Variants in FAN1 observed in about 807,000 individuals in gnomAD.
FAN1 encodes the protein FANCD2 and FANCI associated nuclease 1, also known as fanconi-associated nuclease 1.
A neutral mutation model predicts 104.9 loss-of-function variants in FAN1; 91 were observed. The ratio of observed to expected loss-of-function variants is 0.87; its 90% CI spans 0.73 to 1.03. The LOEUF is 1.03. Ranked by LOEUF, FAN1 falls within the 50% of genes least tolerant of loss-of-function variation. The pLI, the probability that FAN1 is intolerant of heterozygous loss-of-function variation, is 0.00. For missense variants in FAN1, 1,263 were observed against 1,239.9 expected, an observed-to-expected ratio of 1.02 and a Z score of -0.28; for synonymous variants, 478 against 457.6, an observed-to-expected ratio of 1.04 and a Z score of -0.57.
At chr15:30,928,855 T>C (rs1416699617) in intron 11 of FAN1, 199 bp downstream of exon 11, 1 of 903,486 alleles carries the variant, frequency 1.1e-6, no homozygotes, top group African/African-American at 1.8e-5. Flanking sequence ...GTTTTAAACT[T>C]TAATTTAGCC....
Position 30,905,905 on chromosome 15 carries a change from AC to A in FAN1, c.1234+9del. On this transcript the variant is annotated intron_variant, in intron 2 of 14. Transcript: ENST00000362065. The stretch of plus-strand genomic sequence containing the variant: ...AATTTTATCAGTTATCAGGTATCTT[AC>A]GCACGTGTTTGTTTTCAAGTTTTCA... 6.2e-7 allele frequency: 1 copy of A among 1,604,692 alleles called. No homozygotes were observed. Among genetic ancestry groups the A allele is most frequent in the Non-Finnish European group, 8.5e-7 (1 of 1,174,496 alleles).
At position 30,905,494 on chromosome 15, in the gene FAN1, T is replaced by C; in HGVS notation, c.831T>C (p.Ser277=). The stretch of plus-strand genomic sequence containing the variant: ...TCACTCTTAGGAATACATTAAAGTC[T>C]ACTTCAGAAGACAGTCTTGTAAAGC... ...PDFTLRNTLK[S]TSEDSLVKQE... Residue 277 remains serine, a synonymous_variant, in exon 2 of 15, where the codon TCT becomes TCC. Coordinates refer to ENST00000362065, the MANE Select transcript of FAN1 (RefSeq NM_014967.5). The C allele has an allele frequency of 6.2e-7, 1 of 1,614,092 alleles. No homozygotes were observed. Among genetic ancestry groups the C allele is most frequent in the South Asian group, 1.1e-5 (1 of 91,076 alleles).
intron 12 of FAN1, among the ~76,000 whole-genome samples, chr15:30,929,639 A>C (rs2062572676): frequency 8.1e-6 from 1 of 123,312 alleles, no homozygotes; most frequent in African/African-American, 3.4e-5. Context: ...ATTATACAAT[A>C]TACAATATAT....
rs745322534 is a variant in FAN1, at chr15:30,930,601, C to G, written c.2846C>G (p.Ala949Gly). 1 of 1,612,904 alleles carries G rather than the reference C, an allele frequency of 6.2e-7. No homozygotes were observed. The highest frequency in any genetic ancestry group is 8.5e-7 in the Non-Finnish European group (1 of 1,179,558). ...VLSGVCRHLA[A>G]DFRHCRGGLP... is the part of the protein sequence containing the mutation. ...AGTGGTGTGTGCAGGCACCTGGCTG[C>G]TGACTTTCGACACTGTCGAGGGGGC... Residue 949 changes from alanine (A) to glycine (G), a missense_variant, in exon 13 of 15, where the codon GCT (alanine) becomes GGT (glycine). Transcript: ENST00000362065.
intron 13 of FAN1, among the ~76,000 whole-genome samples, chr15:30,935,990 GA>G (rs1451455513): frequency 2.0e-5 from 3 of 152,098 alleles, no homozygotes; most frequent in Admixed American, 1.3e-4. Flanking sequence ...ATCAAATTTG[GA>G]AAATTTTTGG....
chr15:30,906,706 T>C (rs902017361), intron 2 of FAN1, among the ~76,000 whole-genome samples: 5 of 152,254 alleles, frequency 3.3e-5, no homozygotes, highest in Non-Finnish European at 7.3e-5. Context: ...GAAGGATTTC[T>C]ATTTTAAATT....
At position 30,931,958 on chromosome 15, in the gene FAN1, C is replaced by T. The variant is rs551313293; in HGVS notation, c.2916+1287C>T. Among the ~76,000 whole-genome samples the T allele has an allele frequency of 1.2e-3, 180 of 150,972 alleles. 2 individuals are homozygous for T. The highest frequency in any genetic ancestry group is 4.2e-3 in the African/African-American group (174 of 41,048). On this transcript the variant is annotated intron_variant, in intron 13 of 14. Coordinates refer to ENST00000362065, the MANE Select transcript of FAN1 (RefSeq NM_014967.5). Reference sequence around the variant, plus strand: ...CCAGCTGAGGCCGGGTACGGTGGCTCACACCTGTAATCCCAGCACTTTGGG... The same window carrying T: ...CCAGCTGAGGCCGGGTACGGTGGCTTACACCTGTAATCCCAGCACTTTGGG...
chr15:30,936,887 C>CA (rs571587759), intron 13 of FAN1, among the ~76,000 whole-genome samples: 90 of 152,284 alleles, frequency 5.9e-4, no homozygotes, highest in Admixed American at 2.3e-3. Flanking sequence ...GATCAACACT[C>CA]AGAGTATGGT....
rs1183779359 is a variant in FAN1 at position 30,905,614 on chromosome 15, A to G, written c.951A>G (p.Ser317=). 2.5e-6 allele frequency: 4 copies of G among 1,614,010 alleles called. No homozygotes were observed. The South Asian group carries it at 4.4e-5, about 18-fold the overall frequency. ...CTTCAGAAGCTAAAATACAGCTGTC[A>G]GATTCAGAGGCAAAATCTCATAGTT... ...TVASEAKIQL[S]DSEAKSHSSA... is the part of the protein sequence containing the mutation. Residue 317 remains serine, a synonymous_variant, in exon 2 of 15, where the codon TCA becomes TCG. Coordinates refer to ENST00000362065, the MANE Select transcript of FAN1 (RefSeq NM_014967.5).
chr15:30,933,324 C>T (rs2062764048), intron 13 of FAN1, among the ~76,000 whole-genome samples: 1 of 152,166 alleles, frequency 6.6e-6, no homozygotes, highest in African/African-American at 2.4e-5. Context: ...TAGTTGTTTT[C>T]ATTTTCATTC....
Position 30,905,373 on chromosome 15 carries a change from T to C in FAN1, c.710T>C (p.Met237Thr), listed in dbSNP as rs1023915200. Residue 237 changes from methionine to threonine, a missense_variant, in exon 2 of 15, where the codon ATG becomes ACG. Around this residue, in one of 2 missense-constraint regions of FAN1, gnomAD observed 682 missense variants for 571.1 expected, o/e 1.19. Coordinates refer to ENST00000362065, the MANE Select transcript of FAN1 (RefSeq NM_014967.5). Reference sequence around the variant, plus strand: ...CATATGGTAAGAGGAAGTAAAATAATGGAAGCCGAAAGCCAAAAGGCTACC... The same window carrying C: ...CATATGGTAAGAGGAAGTAAAATAACGGAAGCCGAAAGCCAAAAGGCTACC... ...PEHMVRGSKI[M>T]EAESQKATRE... 3 of 1,613,858 alleles carry C rather than the reference T, an allele frequency of 1.9e-6. No homozygotes were observed. In the African/African-American group the frequency reaches 4.0e-5, roughly 22 times the overall value.
chr15:30,917,766 T>C (rs2062224937), intron 5 of FAN1, among the ~76,000 whole-genome samples: 1 of 152,224 alleles, frequency 6.6e-6, no homozygotes, highest in African/African-American at 2.4e-5. Context: ...TGGCTAGCTC[T>C]GATTGTAAAT....
At position 30,922,227 on chromosome 15, in the gene FAN1, T is replaced by C. The variant is rs902853757; in HGVS notation, c.2053-8T>C. On this transcript the variant is annotated splice_region_variant and splice_polypyrimidine_tract_variant and intron_variant, in intron 7 of 14. Coordinates refer to ENST00000362065, the MANE Select transcript of FAN1 (RefSeq NM_014967.5). ...TCTAATGAGGTTTCTTTGTTATTGT[T>C]GCAATAGGAAGCCGTCAGAGAACTT... 3 of 1,601,464 alleles carry C rather than the reference T, an allele frequency of 1.9e-6. No homozygotes were observed. Among genetic ancestry groups the C allele is most frequent in the Non-Finnish European group, 2.5e-6 (3 of 1,177,156 alleles).
chr15:30,927,259 G>A, intron 10 of FAN1: 1 of 985,490 alleles, frequency 1.0e-6, no homozygotes, highest in Non-Finnish European at 1.2e-6. Flanking sequence ...TTATATTCCT[G>A]CCTGATCGTC....
rs2062428790 is a variant in FAN1, at chr15:30,925,193, T to A, written c.2239T>A (p.Tyr747Asn). 6.2e-7 allele frequency: 1 copy of A among 1,614,008 alleles called. No homozygotes were observed. Among genetic ancestry groups the A allele is most frequent in the African/African-American group, 1.3e-5 (1 of 75,012 alleles). Reference protein sequence around the residue: ...EVRTGHRLSLYQRAVRLRESP... With the variant: ...EVRTGHRLSLNQRAVRLRESP... ...CAGAACGGGACACCGCCTTTCACTG[T>A]ATCAGCGAGCCGTGCGCCTGCGAGA... Residue 747 changes from tyrosine (Y) to asparagine (N), a missense_variant, in exon 9 of 15, where the codon TAT becomes AAT. Tyr to Asn is a moderately radical substitution (Grantham distance 143, BLOSUM62 -2). This residue lies in a region of FAN1 where 581 missense variants were observed against 668.8 expected (regional missense o/e 0.87). Transcript: ENST00000362065.
intron 2 of FAN1, chr15:30,906,451 A>G (rs1028957123): frequency 4.4e-6 from 2 of 456,614 alleles, no homozygotes; most frequent in South Asian, 1.5e-5. Context: ...TAAAAATACT[A>G]GTCTATGCCT....
At chr15:30,936,411 T>C (rs890633824) in intron 13 of FAN1, among the ~76,000 whole-genome samples, 7 of 151,888 alleles carry the variant, frequency 4.6e-5, no homozygotes, top group African/African-American at 1.5e-4. Flanking sequence ...GCAAGAAGGT[T>C]AGATTTAATT....
Position 30,905,697 on chromosome 15 carries a change from G to A in FAN1, c.1034G>A (p.Ser345Asn), listed in dbSNP as rs1297914425. ...CAAGAGGCTCCTCTGCAGGATGACA[G>A]TTGCTTAAACAATGATATCCCTCAC... ...NIQEAPLQDD[S>N]CLNNDIPHSI... The change falls in exon 2 of 15, where the codon AGT becomes AAT. Residue 345 changes from serine (S) to asparagine (N), a missense_variant. Transcript: ENST00000362065. The A allele has an allele frequency of 6.2e-7, 1 of 1,614,030 alleles. No homozygotes were observed. The highest frequency in any genetic ancestry group is 2.2e-5 in the East Asian group (1 of 44,904).
At chr15:30,910,303 A>G (rs965479226) in intron 3 of FAN1, among the ~76,000 whole-genome samples, 4 of 152,218 alleles carry the variant, frequency 2.6e-5, no homozygotes, top group African/African-American at 9.6e-5. Flanking sequence ...CGAGAAAGGC[A>G]GGGAGTATAT....
Sources: gnomAD v4.1 joint callset for allele counts (sites outside exome capture counted in the v4.1 genomes callset) on GRCh38, gnomAD v4.1.1 for gene constraint, gnomAD v4.1.1 regional missense constraint, MANE v1.5 for transcripts, NCBI Gene and HGNC (gene_info 2026-07-23, HGNC 2026-07-21) for gene names.